The following DENND1A variants were observed in gnomAD, a reference collection of about 807,000 sequenced individuals.
The protein encoded by DENND1A is DENN domain-containing protein 1A.
Under a neutral mutation model 113.7 loss-of-function variants are expected in DENND1A, and 51 were observed. That is an observed-to-expected ratio of 0.45 (90% CI 0.36 to 0.57). The LOEUF (loss-of-function observed/expected upper bound fraction) is 0.57, where lower values mean the gene tolerates loss of function less well. Ranked by LOEUF, DENND1A falls within the 20% of genes least tolerant of loss-of-function variation. The pLI, the probability that DENND1A is intolerant of heterozygous loss-of-function variation, is 0.00. For missense variants in DENND1A, 1,258 were observed against 1,395.9 expected (o/e 0.90, Z 1.57); for synonymous variants, 565 against 570.8 (o/e 0.99, Z 0.14).
intron 13 of DENND1A, among the ~76,000 whole-genome samples, chr9:123,491,195 T>C (rs2051341888): frequency 6.6e-6 from 1 of 152,202 alleles, no homozygotes; most frequent in Non-Finnish European, 1.5e-5. Context: ...GGGCCCTTTT[T>C]AGAATGAGGT....
intron 8 of DENND1A, among the ~76,000 whole-genome samples, chr9:123,655,038 A>G (rs1340708583): frequency 6.6e-6 from 1 of 152,198 alleles, no homozygotes; most frequent in African/African-American, 2.4e-5. Flanking sequence ...AATTGAGTGA[A>G]ATACCTGGAA....
At chr9:123,385,700 G>A (rs906938944) in intron 22 of DENND1A, among the ~76,000 whole-genome samples, 1 of 152,194 alleles carries the variant, frequency 6.6e-6, no homozygotes, top group African/African-American at 2.4e-5. Context: ...CAGGAAGTCG[G>A]ACTTACACCC....
chr9:123,486,515 C>T (rs1019569627), intron 13 of DENND1A, among the ~76,000 whole-genome samples: 1 of 151,984 alleles, frequency 6.6e-6, no homozygotes, highest in South Asian at 2.1e-4. Flanking sequence ...GCTCCTGCAT[C>T]CCCCATGAGT....
chr9:123,397,138 G>A (rs2043176733), intron 21 of DENND1A, among the ~76,000 whole-genome samples: 1 of 152,158 alleles, frequency 6.6e-6, no homozygotes, highest in Non-Finnish European at 1.5e-5. Context: ...CCCAGTTAAT[G>A]GGAGTTGTCA....
chr9:123,403,343 A>C, intron 21 of DENND1A, 59 bp downstream of exon 21: 1 of 1,582,442 alleles, frequency 6.3e-7, no homozygotes, highest in East Asian at 2.3e-5. Flanking sequence ...GGCTTCGCAA[A>C]GTGCTGGCTC....
intron 13 of DENND1A, among the ~76,000 whole-genome samples, chr9:123,539,530 G>C (rs978262819): frequency 7.2e-5 from 11 of 152,174 alleles, no homozygotes; most frequent in African/African-American, 2.7e-4. Flanking sequence ...CAAGATAGTG[G>C]TTACTTATGG....
chr9:123,695,094 G>A (rs563681828), intron 5 of DENND1A, among the ~76,000 whole-genome samples: 34 of 152,146 alleles, frequency 2.2e-4, no homozygotes, highest in Admixed American at 4.6e-4. Context: ...GGCCTCAAAC[G>A]TCAGACTCCA....
intron 13 of DENND1A, among the ~76,000 whole-genome samples, chr9:123,460,274 ATAAC>A (rs1256758287): frequency 2.0e-5 from 3 of 152,232 alleles, no homozygotes; most frequent in Admixed American, 1.3e-4. Flanking sequence ...CCAGCTAGTG[ATAAC>A]TAACACAAGC....
At chr9:123,476,421 T>C (rs1305839402) in intron 13 of DENND1A, among the ~76,000 whole-genome samples, 2 of 152,178 alleles carry the variant, frequency 1.3e-5, no homozygotes, top group Non-Finnish European at 2.9e-5. Flanking sequence ...GGTGTTCTAG[T>C]TCTAGCACTT....
chr9:123,538,855 T>TACACACAC (rs1295090060), intron 13 of DENND1A, among the ~76,000 whole-genome samples: 4 of 101,288 alleles, frequency 3.9e-5, no homozygotes, highest in Admixed American at 1.1e-4. Context: ...TATATATATA[T>TACACACAC]ATATGAATTC....
intron 10 of DENND1A, among the ~76,000 whole-genome samples, chr9:123,621,397 G>C (rs948756595): frequency 6.6e-6 from 1 of 152,054 alleles, no homozygotes; most frequent in Non-Finnish European, 1.5e-5. Flanking sequence ...ATGTTGCCCA[G>C]GCTGGTCTTG....
chr9:123,922,547 C>T lies in DENND1A; in HGVS notation c.17+7342G>A, dbSNP rs117178483. Among the ~76,000 whole-genome samples the T allele has an allele frequency of 3.9e-3, 601 of 152,334 alleles. 19 individuals are homozygous for T. Among genetic ancestry groups the T allele is most frequent in the Admixed American group, 0.032 (494 of 15,292 alleles). ...ATATCACTGTTCTAAACTGCTGCTG[C>T]CAGGGTAATCTACCTAAAAACCCAA... On this transcript the variant is annotated intron_variant, in intron 1 of 23. Transcript: ENST00000394215.
intron 5 of DENND1A, among the ~76,000 whole-genome samples, chr9:123,748,618 TAGAAG>T: frequency 6.6e-6 from 1 of 152,316 alleles, no homozygotes; most frequent in Non-Finnish European, 1.5e-5. Context: ...GAGTGTAGCT[TAGAAG>T]CAAAGGGCAA....
At chr9:123,777,389 C>T (rs1361620380) in intron 3 of DENND1A, among the ~76,000 whole-genome samples, 1 of 152,222 alleles carries the variant, frequency 6.6e-6, no homozygotes, top group East Asian at 1.9e-4. Context: ...AGGTAGACAG[C>T]TAGATGTAGC....
chr9:123,602,531 A>G (rs1444456018), intron 11 of DENND1A, among the ~76,000 whole-genome samples: 1 of 152,240 alleles, frequency 6.6e-6, no homozygotes, highest in Non-Finnish European at 1.5e-5. Flanking sequence ...ACGCTCAAAC[A>G]TGAAAACAGG....
At chr9:123,567,378 T>C (rs1489282506) in intron 12 of DENND1A, among the ~76,000 whole-genome samples, 1 of 152,220 alleles carries the variant, frequency 6.6e-6, no homozygotes, top group Non-Finnish European at 1.5e-5. Context: ...AAAAAACTGA[T>C]ATGCACTTGC....
chr9:123,609,977 A>T (rs1323535112), intron 10 of DENND1A, among the ~76,000 whole-genome samples: 1 of 152,216 alleles, frequency 6.6e-6, no homozygotes, highest in Non-Finnish European at 1.5e-5. Flanking sequence ...TCATCAAGAG[A>T]TGTGATCTAA....
intron 2 of DENND1A, among the ~76,000 whole-genome samples, chr9:123,869,377 G>A (rs1421844685): frequency 6.6e-6 from 1 of 152,124 alleles, no homozygotes; most frequent in African/African-American, 2.4e-5. Context: ...TGGTGGGCAA[G>A]AATTTTATTA....
At chr9:123,773,114 T>C (rs1829975723) in intron 3 of DENND1A, among the ~76,000 whole-genome samples, 1 of 152,100 alleles carries the variant, frequency 6.6e-6, no homozygotes, top group Admixed American at 6.6e-5. Flanking sequence ...ATACTTCATG[T>C]AGGAAGAAAT....
Sources: gnomAD v4.1 joint callset for allele counts (sites outside exome capture counted in the v4.1 genomes callset) on GRCh38, gnomAD v4.1.1 for gene constraint, MANE v1.5 for transcripts, NCBI Gene and HGNC (gene_info 2026-07-23, HGNC 2026-07-21) for gene names.